Variants in LRRC4C observed in about 807,000 individuals in gnomAD.
The protein encoded by LRRC4C is leucine-rich repeat-containing protein 4C.
In LRRC4C, 5 loss-of-function variants were observed where a neutral mutation model predicts 33.6. The observed-to-expected ratio is 0.15, with a 90% confidence interval of 0.08 to 0.31. The LOEUF is 0.31. LRRC4C is among the 10% of genes least tolerant of loss of function. The pLI, the probability that LRRC4C is intolerant of heterozygous loss-of-function variation, is 1.00. For synonymous variants in LRRC4C, 329 were observed against 302.0 expected, an observed-to-expected ratio of 1.09 and a Z score of -0.93; for missense variants, 560 against 796.7, an observed-to-expected ratio of 0.70 and a Z score of 3.58.
chr11:40,349,646 C>A (rs940247812), intron 3 of LRRC4C, among the ~76,000 whole-genome samples: 5 of 152,126 alleles, frequency 3.3e-5, no homozygotes, highest in Non-Finnish European at 7.4e-5. Flanking sequence ...GAGAAACCTC[C>A]ATACTGTTAT....
chr11:40,757,155 T>C (rs555207383), intron 2 of LRRC4C, among the ~76,000 whole-genome samples: 1 of 152,210 alleles, frequency 6.6e-6, no homozygotes, highest in African/African-American at 2.4e-5. Context: ...CTACCTGCTT[T>C]CTGTTGAGAA....
chr11:41,235,639 CA>C (rs1947988321), intron 1 of LRRC4C, among the ~76,000 whole-genome samples: 1 of 152,108 alleles, frequency 6.6e-6, no homozygotes, highest in South Asian at 2.1e-4. Flanking sequence ...AATAGTTACA[CA>C]GTTTTTTAAA....
At chr11:40,984,431 G>A (rs1041227355) in intron 1 of LRRC4C, among the ~76,000 whole-genome samples, 2 of 140,870 alleles carry the variant, frequency 1.4e-5, no homozygotes, top group Non-Finnish European at 3.2e-5. Context: ...GAAAGAAAGA[G>A]AAAAAGAAAG....
At chr11:40,969,574 C>T (rs960935893) in intron 1 of LRRC4C, among the ~76,000 whole-genome samples, 2 of 152,222 alleles carry the variant, frequency 1.3e-5, no homozygotes, top group Admixed American at 1.3e-4. Context: ...GCACTCACCA[C>T]CCTGATCAGT....
At chr11:40,978,491 G>T (rs1295590926) in intron 1 of LRRC4C, among the ~76,000 whole-genome samples, 1 of 152,128 alleles carries the variant, frequency 6.6e-6, no homozygotes, top group Non-Finnish European at 1.5e-5. Flanking sequence ...AGAGACCAGG[G>T]ATATTGCTAA....
rs539806262 is a variant in LRRC4C at position 40,944,051 on chromosome 11, A to G, written c.-495-10328T>C. Among the ~76,000 whole-genome samples the G allele has an allele frequency of 9.2e-5, 14 of 152,310 alleles. No homozygotes were observed. The South Asian group carries it at 2.7e-3, about 29-fold the overall frequency. Reference sequence around the variant, plus strand: ...TAAATACGGACGGTAAATACACATCATTACATCTAACACCTATTAGCTACT... The same window carrying G: ...TAAATACGGACGGTAAATACACATCGTTACATCTAACACCTATTAGCTACT... On this transcript the variant is annotated intron_variant, in intron 1 of 6. Coordinates refer to ENST00000528697, the MANE Select transcript of LRRC4C (RefSeq NM_001258419.2).
intron 3 of LRRC4C, among the ~76,000 whole-genome samples, chr11:40,622,952 C>A (rs1008956056): frequency 5.7e-4 from 87 of 151,932 alleles, no homozygotes; most frequent in African/African-American, 2.1e-3. Flanking sequence ...AATGTATCTA[C>A]ACATCCATGA....
intron 2 of LRRC4C, among the ~76,000 whole-genome samples, chr11:40,792,724 T>G (rs11036080): frequency 6.6e-6 from 1 of 151,756 alleles, no homozygotes; most frequent in Non-Finnish European, 1.5e-5. Context: ...ATAGCAAAGA[T>G]TTGGAACCAA....
rs569546798 is a variant in LRRC4C, at chr11:41,188,888, CAA to C, written c.-495-255167_-495-255166del. ...TTGTAAAGAAAACTACTTTTTAGCA[CAA>C]AACAGGACCTGCCCCCCCCCCCAAA... On this transcript the variant is annotated intron_variant, in intron 1 of 6. Transcript: ENST00000528697. Among the ~76,000 whole-genome samples, 156 of 137,120 alleles carry C rather than the reference CAA, an allele frequency of 1.1e-3. 1 individual carries two copies. The highest frequency in any genetic ancestry group is 4.3e-3 in the African/African-American group (152 of 35,528). The allele number at this position is 137,120 out of a possible 152,430, so 90.0% of individuals were successfully genotyped here.
intron 3 of LRRC4C, among the ~76,000 whole-genome samples, chr11:40,624,720 A>G (rs1962771513): frequency 6.6e-6 from 1 of 152,190 alleles, no homozygotes; most frequent in African/African-American, 2.4e-5. Context: ...CTTGTAGGGT[A>G]TAGTACAACC....
At chr11:40,879,102 G>A (rs751041749) in intron 2 of LRRC4C, among the ~76,000 whole-genome samples, 12 of 152,216 alleles carry the variant, frequency 7.9e-5, no homozygotes, top group South Asian at 6.2e-4. Flanking sequence ...ACAGTGCCTT[G>A]AACAGTCATA....
At position 40,584,783 on chromosome 11, in the gene LRRC4C, T is replaced by G. The variant is rs142847421; in HGVS notation, c.-270+63359A>C. On this transcript the variant is annotated intron_variant, in intron 3 of 6. Transcript: ENST00000528697. ...CCCATCTCTACTAAGAATACAAAAA[T>G]TAGCCAGGCATGGTGGTGCACACCT... 6.3e-3 allele frequency among the ~76,000 whole-genome samples: 952 copies of G among 151,664 alleles called. 15 individuals carry two copies. The highest frequency in any genetic ancestry group is 0.022 in the African/African-American group (914 of 41,354).
intron 1 of LRRC4C, among the ~76,000 whole-genome samples, chr11:40,966,721 G>C (rs925460355): frequency 2.0e-5 from 3 of 151,766 alleles, no homozygotes; most frequent in African/African-American, 7.3e-5. Flanking sequence ...CTTCATTGAT[G>C]TTGTCCCTTA....
chr11:40,733,817 A>T (rs1451145388), intron 2 of LRRC4C, among the ~76,000 whole-genome samples: 3 of 152,066 alleles, frequency 2.0e-5, no homozygotes, highest in African/African-American at 7.2e-5. Flanking sequence ...TGACCCTAAG[A>T]CCCGAAAATA....
At chr11:41,242,059 C>A (rs532967350) in intron 1 of LRRC4C, among the ~76,000 whole-genome samples, 2 of 152,232 alleles carry the variant, frequency 1.3e-5, no homozygotes, top group South Asian at 2.1e-4. Flanking sequence ...CTTACAAAAT[C>A]ATTCTAAAGA....
intron 5 of LRRC4C, among the ~76,000 whole-genome samples, chr11:40,236,814 G>A (rs763837571): frequency 5.3e-5 from 8 of 152,084 alleles, no homozygotes; most frequent in South Asian, 4.1e-4. Flanking sequence ...AATGTTTGTC[G>A]TGTTAATCCA....
intron 1 of LRRC4C, among the ~76,000 whole-genome samples, chr11:41,072,471 T>C (rs1938774692): frequency 6.6e-6 from 1 of 152,026 alleles, no homozygotes; most frequent in East Asian, 1.9e-4. Context: ...ACAGAGTTCT[T>C]ATGAGATATG....
intron 1 of LRRC4C, among the ~76,000 whole-genome samples, chr11:41,386,645 T>C (rs116776362): frequency 0.011 from 1,627 of 151,936 alleles, 29 homozygotes; most frequent in African/African-American, 0.037. Flanking sequence ...TGTGCTAGTC[T>C]TAATCTTCTA....
intron 1 of LRRC4C, among the ~76,000 whole-genome samples, chr11:40,988,415 G>C (rs1375791040): frequency 6.6e-6 from 1 of 152,048 alleles, no homozygotes; most frequent in Non-Finnish European, 1.5e-5. Flanking sequence ...TCAATCCCCT[G>C]AATTTCTTTG....
Sources: allele counts gnomAD v4.1 joint callset (sites outside exome capture counted in the v4.1 genomes callset), GRCh38; gene constraint gnomAD v4.1.1; transcripts MANE v1.5; gene names NCBI Gene and HGNC (gene_info 2026-07-23, HGNC 2026-07-21).